The following PCNT variants were observed in gnomAD, a reference collection of about 807,000 sequenced individuals.
The protein encoded by PCNT is pericentrin.
In PCNT, 319 loss-of-function variants were observed where a neutral mutation model predicts 380.4. That is an observed-to-expected ratio of 0.84 (90% CI 0.77 to 0.92). The LOEUF (loss-of-function observed/expected upper bound fraction) is 0.92. Ranked by LOEUF, PCNT falls within the 40% of genes least tolerant of loss-of-function variation. The probability of loss-of-function intolerance (pLI) is 0.00; values close to 1 mark genes in which losing one functional copy is unlikely to be tolerated. For synonymous variants in PCNT, 1,845 were observed against 1,735.2 expected, an observed-to-expected ratio of 1.06 and a Z score of -1.57; for missense variants, 4,400 against 4,255.3, an observed-to-expected ratio of 1.03 and a Z score of -0.95.
intron 2 of PCNT, 70 bp from the exon 3 acceptor site, chr21:46,334,327 C>G: frequency 6.2e-7 from 1 of 1,609,876 alleles, no homozygotes; most frequent in Non-Finnish European, 8.5e-7. Flanking sequence ...GATAGAGGAG[C>G]TGGGAAGGGC....
rs771386469 is a variant in PCNT at position 46,437,055 on chromosome 21, G to A, written c.9073G>A (p.Asp3025Asn). The change falls in exon 40 of 47, where the codon GAC becomes AAC. Residue 3025 changes from aspartate to asparagine, a missense_variant. Coordinates refer to ENST00000359568, the MANE Select transcript of PCNT (RefSeq NM_006031.6). ...LLHTLEELKS[D>N]LSRPTSSQKK... ...GCACACGTTGGAGGAGCTGAAGTCT[G>A]ACTTGAGCAGGCCCACCTCCTCCCA... The A allele has an allele frequency of 3.6e-5, 58 of 1,613,928 alleles. No homozygotes were observed. The highest frequency in any genetic ancestry group is 4.3e-5 in the Non-Finnish European group (51 of 1,179,944).
chr21:46,413,539 G>A (rs1026541703), intron 29 of PCNT, among the ~76,000 whole-genome samples: 3 of 152,214 alleles, frequency 2.0e-5, no homozygotes, highest in East Asian at 1.9e-4. Context: ...AATTTCGTAC[G>A]TGCTTCATTT....
intron 18 of PCNT, 22 bp from the exon 19 acceptor site, chr21:46,389,177 C>A: frequency 6.2e-7 from 1 of 1,605,502 alleles, no homozygotes. Context: ...GCCGCGTGTG[C>A]CGGCATCTGC....
In PCNT at chr21:46,418,385, C is replaced by T. The variant is rs2087114930; in HGVS notation, c.7024+79C>T. 63 of 906,562 alleles carry T rather than the reference C, an allele frequency of 6.9e-5. 1 individual carries two copies. In the South Asian group the frequency reaches 8.6e-4, roughly 12 times the overall value. The allele number at this position is 906,562 out of a possible 1,614,324, so 56.2% of individuals were successfully genotyped here. On this transcript the variant is annotated intron_variant, in intron 31 of 46. Coordinates refer to ENST00000359568, the MANE Select transcript of PCNT (RefSeq NM_006031.6). ...AGAATAGTCAAAAGAATTCCTGCAT[C>T]CTTTGCCTGGTTCTGCGTCTGCCCC...
At chr21:46,375,982 G>C (rs2085321974) in intron 15 of PCNT, among the ~76,000 whole-genome samples, 2 of 152,234 alleles carry the variant, frequency 1.3e-5, no homozygotes, top group Admixed American at 6.5e-5. Context: ...CCAGCTGCCA[G>C]TGGGTGGAGG....
chr21:46,402,958 A>C (rs1296086724), intron 27 of PCNT, among the ~76,000 whole-genome samples: 1 of 152,224 alleles, frequency 6.6e-6, no homozygotes, highest in Admixed American at 6.5e-5. Flanking sequence ...CTATTTTTAA[A>C]TCTTTTATTT....
At chr21:46,361,711 A>G (rs1384075419) in intron 13 of PCNT, among the ~76,000 whole-genome samples, 1 of 152,158 alleles carries the variant, frequency 6.6e-6, no homozygotes, top group Non-Finnish European at 1.5e-5. Context: ...CTTCAGCGTG[A>G]AGGATCTCCT....
At chr21:46,430,382 T>C in intron 36 of PCNT, 125 bp from the exon 37 acceptor site, 1 of 1,426,172 alleles carries the variant, frequency 7.0e-7, no homozygotes, top group Non-Finnish European at 9.6e-7. Flanking sequence ...TTGATAATCC[T>C]GTGGTGGGGG....
At chr21:46,421,841 G>A (rs2087264130) in intron 31 of PCNT, 129 bp from the exon 32 acceptor site, 4 of 1,022,120 alleles carry the variant, frequency 3.9e-6, no homozygotes, top group Non-Finnish European at 5.9e-6. Context: ...TTTTCTCCGT[G>A]AGCAGAATCA....
Position 46,445,387 on chromosome 21 carries a change from CT to C in PCNT, c.*64del. On this transcript the variant is annotated 3_prime_UTR_variant, in exon 47 of 47. Coordinates refer to ENST00000359568, the MANE Select transcript of PCNT (RefSeq NM_006031.6). The stretch of plus-strand genomic sequence containing the variant: ...ATTTGAGGAAAAGATTTGTTTTTCC[CT>C]TTTCCCAAGGAAGCTCGTGGGACAG... 2 of 1,392,988 alleles carry C rather than the reference CT, an allele frequency of 1.4e-6. No individual in the cohort carries two copies. The highest frequency in any genetic ancestry group is 1.2e-5 in the South Asian group (1 of 86,642). 86.3% of individuals were successfully genotyped at this position (1,392,988 alleles called of 1,614,324 possible).
intron 33 of PCNT, among the ~76,000 whole-genome samples, chr21:46,426,543 C>T (rs2087514398): frequency 6.6e-6 from 1 of 152,164 alleles, no homozygotes; most frequent in African/African-American, 2.4e-5. Flanking sequence ...TGTGGCCCTG[C>T]GGACTCGGCC....
At chr21:46,324,571 G>GA (rs2083296817) in intron 1 of PCNT, among the ~76,000 whole-genome samples, 2 of 150,096 alleles carry the variant, frequency 1.3e-5, no homozygotes, top group South Asian at 4.2e-4. Context: ...GTCGGGGGGG[G>GA]TGGGGCGCGG....
intron 14 of PCNT, 73 bp downstream of exon 14, chr21:46,364,007 C>T: frequency 1.4e-6 from 2 of 1,419,324 alleles, no homozygotes; most frequent in Non-Finnish European, 2.0e-6. Flanking sequence ...TGGGCAGGCT[C>T]CTGGGAGGAG....
chr21:46,402,321 T>A lies in PCNT; in HGVS notation c.4963-10T>A, dbSNP rs2086455111. On this transcript the variant is annotated splice_polypyrimidine_tract_variant and intron_variant, in intron 26 of 46. Coordinates refer to ENST00000359568, the MANE Select transcript of PCNT (RefSeq NM_006031.6). ...CTTTTAATACTTTTCTTCTTTTGTTTTAATGAAAGGTTTTGGACTTAAAAG... is the reference window on the plus strand; with the variant it reads ...CTTTTAATACTTTTCTTCTTTTGTTATAATGAAAGGTTTTGGACTTAAAAG... 1.9e-6 allele frequency: 3 copies of A among 1,575,306 alleles called. No individual in the cohort carries two copies. Among genetic ancestry groups the A allele is most frequent in the Non-Finnish European group, 2.6e-6 (3 of 1,145,954 alleles).
At chr21:46,372,561 T>G (rs2085187732) in intron 15 of PCNT, among the ~76,000 whole-genome samples, 1 of 152,224 alleles carries the variant, frequency 6.6e-6, no homozygotes, top group South Asian at 2.1e-4. Flanking sequence ...ATTGATAATT[T>G]ATTTGAAGCA....
At chr21:46,356,823 T>G (rs1207225915) in intron 12 of PCNT, 151 bp from the exon 13 acceptor site, 3 of 685,688 alleles carry the variant, frequency 4.4e-6, no homozygotes, top group Non-Finnish European at 7.7e-6. Flanking sequence ...GAGCCATGCC[T>G]GCTTTCATCA....
At chr21:46,328,987 GCTGGTCTCGAACTC>G (rs1013001803) in intron 2 of PCNT, among the ~76,000 whole-genome samples, 2 of 151,174 alleles carry the variant, frequency 1.3e-5, no homozygotes, top group African/African-American at 4.9e-5. Context: ...CATTGGCCAG[GCTGGTCTCGAACTC>G]CTGACCTCGT....
In PCNT at chr21:46,397,907, G is replaced by T. The variant is rs974551315; in HGVS notation, c.4447-107G>T. 6 of 793,206 alleles carry T rather than the reference G, an allele frequency of 7.6e-6. No individual in the cohort carries two copies. The Admixed American group carries it at 1.2e-4, about 16-fold the overall frequency. The allele number at this position is 793,206 out of a possible 1,614,324, so 49.1% of individuals were successfully genotyped here. ...GAGGGGGGTATTTGGAGTCTGAGCT[G>T]CTGGGCAGTTGCACTTGTACGTGCA... On this transcript the variant is annotated intron_variant, in intron 22 of 46. Coordinates refer to ENST00000359568, the MANE Select transcript of PCNT (RefSeq NM_006031.6).
At chr21:46,353,477 C>G (rs777299801) in intron 10 of PCNT, 151 bp downstream of exon 10, 11 of 752,558 alleles carry the variant, frequency 1.5e-5, no homozygotes, top group Non-Finnish European at 2.5e-5. Flanking sequence ...AAAGATGACA[C>G]AGGCACGGGC....
Sources: gnomAD v4.1 joint callset for allele counts (sites outside exome capture counted in the v4.1 genomes callset) on GRCh38, gnomAD v4.1.1 for gene constraint, MANE v1.5 for transcripts, NCBI Gene and HGNC (gene_info 2026-07-23, HGNC 2026-07-21) for gene names.